The following ZFHX3 variants were observed in gnomAD, a reference collection of about 807,000 sequenced individuals.
The protein encoded by ZFHX3 is zinc finger homeobox protein 3.
In ZFHX3, 42 loss-of-function variants were observed where a neutral mutation model predicts 279.1. The observed-to-expected ratio is 0.15, with a 90% CI of 0.12 to 0.19. The LOEUF is 0.19. Ranked by LOEUF, ZFHX3 falls within the 10% of genes least tolerant of loss-of-function variation. The probability of loss-of-function intolerance (pLI) is 1.00; values close to 1 mark genes in which losing one functional copy is unlikely to be tolerated. For missense variants in ZFHX3, 4,981 were observed against 4,754.0 expected (o/e 1.05, Z -1.40); for synonymous variants, 2,293 against 1,957.8 (o/e 1.17, Z -4.52).
intron 1 of ZFHX3, among the ~76,000 whole-genome samples, chr16:72,995,896 G>A (rs1195257097): frequency 2.0e-5 from 3 of 152,230 alleles, no homozygotes; most frequent in East Asian, 1.9e-4. Flanking sequence ...AGCTGCCCAG[G>A]GCCTTAGGCT....
intron 2 of ZFHX3, among the ~76,000 whole-genome samples, chr16:73,513,652 C>T (rs772027322): frequency 3.9e-5 from 6 of 152,018 alleles, no homozygotes; most frequent in Non-Finnish European, 7.4e-5. Context: ...GAGGATAAAA[C>T]GGTCTGAGAT....
intron 8 of ZFHX3, among the ~76,000 whole-genome samples, chr16:73,073,920 T>C (rs2144758458): frequency 6.6e-6 from 1 of 152,378 alleles, no homozygotes; most frequent in Admixed American, 6.5e-5. Flanking sequence ...TCTCATCATC[T>C]CAATATCTCA....
At chr16:73,730,967 G>A (rs2053565456) in intron 1 of ZFHX3, among the ~76,000 whole-genome samples, 1 of 152,302 alleles carries the variant, frequency 6.6e-6, no homozygotes, top group African/African-American at 2.4e-5. Context: ...AGCCGAGGAG[G>A]AAGAGTGAAG....
intron 5 of ZFHX3, among the ~76,000 whole-genome samples, chr16:72,823,867 G>T (rs996604791): frequency 7.9e-5 from 12 of 152,076 alleles, no homozygotes; most frequent in Non-Finnish European, 1.5e-4. Context: ...CAGGGCTTCT[G>T]ACTCCTACGA....
chr16:73,710,846 A>G (rs925130863), intron 1 of ZFHX3, among the ~76,000 whole-genome samples: 4 of 152,056 alleles, frequency 2.6e-5, no homozygotes, highest in African/African-American at 9.7e-5. Flanking sequence ...ATTACTGGTC[A>G]ATTTGGGTTT....
In ZFHX3 at chr16:73,890,255, C is replaced by CA. The variant is rs779097957; in HGVS notation, c.-1608+1395dup. 4.2e-3 allele frequency among the ~76,000 whole-genome samples: 575 copies of CA among 136,064 alleles called. 4 individuals are homozygous for CA. The highest frequency in any genetic ancestry group is 0.019 in the Middle Eastern group (5 of 262). 89.3% of individuals were successfully genotyped at this position (136,064 alleles called of 152,430 possible). On this transcript the variant is annotated intron_variant, in intron 1 of 17. Transcript: ENST00000641206. ...AAAAAAAAACCAAAAAAAAAAAAAA[C>CA]AACAAAAAAAAACCTCTCCCTTCTT...
intron 5 of ZFHX3, among the ~76,000 whole-genome samples, chr16:73,241,115 T>C (rs917343226): frequency 1.3e-5 from 2 of 152,182 alleles, no homozygotes; most frequent in Non-Finnish European, 2.9e-5. Flanking sequence ...CTGAAGGACC[T>C]CCCGCTGTTT....
At chr16:73,550,237 C>T (rs931394173) in intron 2 of ZFHX3, among the ~76,000 whole-genome samples, 2 of 152,066 alleles carry the variant, frequency 1.3e-5, no homozygotes, top group South Asian at 2.1e-4. Flanking sequence ...CGGGTATTGG[C>T]GTCCAAATCA....
intron 4 of ZFHX3, among the ~76,000 whole-genome samples, chr16:72,838,571 G>A (rs888729877): frequency 3.3e-5 from 5 of 152,058 alleles, no homozygotes; most frequent in Admixed American, 6.6e-5. Context: ...AGCACAGAAC[G>A]CCAGAGCATG....
rs1318954497 is a variant in ZFHX3, at chr16:72,783,196, T to TTTTC, written c.*3964_*3967dup. ...ATTTTTTTTGTTGTTTTTTGTTTTT[T>TTTTC]TTTCTTTTTGTACATTGCAAAGGCT... is the stretch of plus-strand genomic sequence containing the variant. On this transcript the variant is annotated 3_prime_UTR_variant, in exon 10 of 10. Transcript: ENST00000268489. 6.6e-6 allele frequency: 1 copy of TTTTC among 152,558 alleles called. No homozygotes were observed. The highest frequency in any genetic ancestry group is 1.9e-4 in the East Asian group (1 of 5,176). 9.5% of individuals were successfully genotyped at this position (152,558 alleles called of 1,614,324 possible). A position where few individuals can be genotyped will look rare whatever the true frequency, so the allele number is the denominator to read the frequency against.
chr16:73,222,131 T>C (rs1051696417), intron 5 of ZFHX3, among the ~76,000 whole-genome samples: 1 of 152,222 alleles, frequency 6.6e-6, no homozygotes, highest in East Asian at 1.9e-4. Context: ...ATGTAGTCAC[T>C]TCTAGTTATA....
At chr16:73,010,883 C>T (rs1446827824) in intron 1 of ZFHX3, among the ~76,000 whole-genome samples, 1 of 152,200 alleles carries the variant, frequency 6.6e-6, no homozygotes, top group Non-Finnish European at 1.5e-5. Context: ...TAGTTCACTG[C>T]AGCCTCGAAC....
At chr16:73,026,658 A>G (rs1964512513) in intron 1 of ZFHX3, among the ~76,000 whole-genome samples, 1 of 146,286 alleles carries the variant, frequency 6.8e-6, no homozygotes, top group South Asian at 2.3e-4. Flanking sequence ...CCCGGCAACA[A>G]GAGCAAAACT....
At chr16:72,842,052 A>T (rs1043749420) in intron 4 of ZFHX3, among the ~76,000 whole-genome samples, 20 of 152,180 alleles carry the variant, frequency 1.3e-4, no homozygotes, top group African/African-American at 4.3e-4. Context: ...GATCTATAGA[A>T]ATTTGTAGCA....
Position 73,129,030 on chromosome 16 carries a change from C to T in ZFHX3, c.-897+1938G>A, listed in dbSNP as rs1966624769. 3.9e-5 allele frequency among the ~76,000 whole-genome samples: 6 copies of T among 152,060 alleles called. No individual in the cohort carries two copies. The South Asian group carries it at 1.0e-3, about 26-fold the overall frequency. On this transcript the variant is annotated intron_variant, in intron 7 of 17. Coordinates refer to the ZFHX3 transcript ENST00000641206. Reference sequence around the variant, plus strand: ...TGCTAAGTCTCTCCTTAAACCTTCCCCACACTCTTCCAAAGGGGATAACAC... The same window carrying T: ...TGCTAAGTCTCTCCTTAAACCTTCCTCACACTCTTCCAAAGGGGATAACAC...
chr16:73,795,268 TTGTC>T (rs1172239730), intron 1 of ZFHX3, among the ~76,000 whole-genome samples: 1 of 152,182 alleles, frequency 6.6e-6, no homozygotes, highest in East Asian at 1.9e-4. Flanking sequence ...TGACTTTGCT[TTGTC>T]TGGAAATTCC....
intron 5 of ZFHX3, among the ~76,000 whole-genome samples, chr16:73,181,276 T>C (rs1205186754): frequency 6.6e-6 from 1 of 151,976 alleles, no homozygotes; most frequent in Non-Finnish European, 1.5e-5. Context: ...AATTTTTGTA[T>C]TTTTAGTAGA....
intron 1 of ZFHX3, among the ~76,000 whole-genome samples, chr16:73,821,007 G>A (rs935702988): frequency 6.6e-6 from 1 of 152,066 alleles, no homozygotes; most frequent in Non-Finnish European, 1.5e-5. Context: ...TATCCCCCTT[G>A]ACAAATGATG....
intron 2 of ZFHX3, among the ~76,000 whole-genome samples, chr16:73,566,429 C>A (rs373081654): frequency 2.0e-5 from 3 of 152,184 alleles, no homozygotes; most frequent in African/African-American, 7.2e-5. Context: ...AGGTATCAAC[C>A]GGGCTGATTC....
Sources: allele counts gnomAD v4.1 joint callset (sites outside exome capture counted in the v4.1 genomes callset), GRCh38; gene constraint gnomAD v4.1.1; transcripts MANE v1.5; gene names NCBI Gene and HGNC (gene_info 2026-07-23, HGNC 2026-07-21).